CSMD1: variants seen among roughly 807,000 people sequenced by gnomAD.
CSMD1 encodes the protein CUB and sushi domain-containing protein 1.
In CSMD1, 213 loss-of-function variants were observed where a neutral mutation model predicts 417.5. That is an observed-to-expected ratio of 0.51 (90% confidence interval 0.46 to 0.57). The LOEUF (loss-of-function observed/expected upper bound fraction) is 0.57, where lower values mean the gene tolerates loss of function less well. CSMD1 is among the 20% of genes least tolerant of loss of function. The pLI is 0.00. For missense variants in CSMD1, 6,923 were observed against 4,529.7 expected (o/e 1.53, Z -15.17); for synonymous variants, 2,862 against 1,736.8 (o/e 1.65, Z -16.11).
chr8:4,020,890 G>A (rs147626463), intron 4 of CSMD1, among the ~76,000 whole-genome samples: 1 of 152,178 alleles, frequency 6.6e-6, no homozygotes, highest in Non-Finnish European at 1.5e-5. Flanking sequence ...GTCCTACTCA[G>A]CTCAAATATG....
intron 7 of CSMD1, among the ~76,000 whole-genome samples, chr8:3,636,557 T>C (rs1207903642): frequency 6.6e-6 from 1 of 152,202 alleles, no homozygotes; most frequent in Non-Finnish European, 1.5e-5. Context: ...CTGAGGAATG[T>C]ACATGTAACT....
rs2720788 is a variant in CSMD1, at chr8:3,758,660, T to G, written c.819-4618A>C. Reference sequence around the variant, plus strand: ...ACTCTCTAACAACTTGGTGTTTCAGTTGAGATTTAGAAGAAAAGAATTCAA... The same window carrying G: ...ACTCTCTAACAACTTGGTGTTTCAGGTGAGATTTAGAAGAAAAGAATTCAA... On this transcript the variant is annotated intron_variant, in intron 5 of 69. Coordinates refer to ENST00000635120, the MANE Select transcript of CSMD1 (RefSeq NM_033225.6). Among the ~76,000 whole-genome samples the G allele has an allele frequency of 9.0e-3, 1,373 of 152,210 alleles. 77 individuals carry two copies. The East Asian group carries it at 0.16, about 18-fold the overall frequency.
chr8:4,586,160 A>AAAC (rs1329236145), intron 2 of CSMD1, among the ~76,000 whole-genome samples: 2 of 152,184 alleles, frequency 1.3e-5, no homozygotes, highest in Non-Finnish European at 2.9e-5. Flanking sequence ...TTGTGTTTAA[A>AAAC]AACATGCCAA....
chr8:3,137,384 C>T (rs1818164089), intron 41 of CSMD1, among the ~76,000 whole-genome samples: 1 of 152,228 alleles, frequency 6.6e-6, no homozygotes, highest in Admixed American at 6.5e-5. Context: ...AGTCCCTTAG[C>T]ATCAGGGGGA....
In CSMD1 at chr8:3,271,317, C is replaced by A. The variant is rs561226707; in HGVS notation, c.4153+12827G>T. On this transcript the variant is annotated intron_variant, in intron 26 of 69. Transcript: ENST00000635120. Reference sequence around the variant, plus strand: ...TGTATATGTGCCACATTTTCTTAATCCAGTCTATCATTGTTGGACATTTGG... The same window carrying A: ...TGTATATGTGCCACATTTTCTTAATACAGTCTATCATTGTTGGACATTTGG... Among the ~76,000 whole-genome samples, 42 of 152,018 alleles carry A rather than the reference C, an allele frequency of 2.8e-4. No individual in the cohort carries two copies. In the South Asian group the frequency reaches 8.8e-3, roughly 32 times the overall value.
chr8:2,978,523 A>G (rs1275768068), intron 55 of CSMD1, 89 bp downstream of exon 55: 10 of 1,009,322 alleles, frequency 9.9e-6, no homozygotes, highest in Non-Finnish European at 1.4e-5. Flanking sequence ...ATTAAAATTC[A>G]GTGCCTTTTA....
rs149482958 is a variant in CSMD1 at position 4,412,980 on chromosome 8, A to T, written c.415+6973T>A. On this transcript the variant is annotated intron_variant, in intron 3 of 69. Coordinates refer to ENST00000635120, the MANE Select transcript of CSMD1 (RefSeq NM_033225.6). ...TCATCAATGGACAGAAGCCATCTTT[A>T]TCTTTTCAGTAGTTATGAGATTTTT... Among the ~76,000 whole-genome samples the T allele has an allele frequency of 2.2e-3, 331 of 152,336 alleles. 2 individuals are homozygous for T. The highest frequency in any genetic ancestry group is 7.8e-3 in the African/African-American group (324 of 41,582).
intron 26 of CSMD1, among the ~76,000 whole-genome samples, chr8:3,250,638 T>C (rs1486771445): frequency 6.6e-6 from 1 of 152,232 alleles, no homozygotes; most frequent in South Asian, 2.1e-4. Flanking sequence ...CGCCACACTG[T>C]CTTCCACAAT....
chr8:4,769,212 A>G (rs1391449396), intron 1 of CSMD1, among the ~76,000 whole-genome samples: 2 of 152,174 alleles, frequency 1.3e-5, no homozygotes, highest in African/African-American at 2.4e-5. Flanking sequence ...GGCTTTATAG[A>G]TAAGATGAAA....
chr8:4,297,065 G>A (rs988256255), intron 3 of CSMD1, among the ~76,000 whole-genome samples: 8 of 132,536 alleles, frequency 6.0e-5, no homozygotes, highest in Non-Finnish European at 6.4e-5. Context: ...GGTCGGATGG[G>A]TTAGATAGGT....
At chr8:4,993,257 C>T (rs1035329322) in intron 1 of CSMD1, among the ~76,000 whole-genome samples, 2 of 151,916 alleles carry the variant, frequency 1.3e-5, no homozygotes, top group East Asian at 1.9e-4. Flanking sequence ...AAAGAAAAAC[C>T]CTTTGTAGAT....
Position 3,462,824 on chromosome 8 carries a change from C to G in CSMD1, c.1561+5888G>C, listed in dbSNP as rs567561582. 3.3e-5 allele frequency among the ~76,000 whole-genome samples: 5 copies of G among 152,274 alleles called. No homozygotes were observed. In the East Asian group the frequency reaches 9.7e-4, roughly 29 times the overall value. On this transcript the variant is annotated intron_variant, in intron 12 of 69. Transcript: ENST00000635120. ...TATCTAAGAACCTGATGTGGTCTGA[C>G]TGTTTGTGTCCCTCCAAATTCCTAA...
At chr8:3,981,345 G>A (rs928335580) in intron 5 of CSMD1, among the ~76,000 whole-genome samples, 2 of 152,112 alleles carry the variant, frequency 1.3e-5, no homozygotes, top group African/African-American at 4.8e-5. Flanking sequence ...GACTTCAGGG[G>A]AAGAGTGGAA....
rs186252550 is a variant in CSMD1, at chr8:3,707,375, A to T, written c.1009+1039T>A. Among the ~76,000 whole-genome samples the T allele has an allele frequency of 1.2e-3, 178 of 152,338 alleles. 1 individual carries two copies. Among genetic ancestry groups the T allele is most frequent in the African/African-American group, 4.1e-3 (172 of 41,574 alleles). Reference sequence around the variant, plus strand: ...CTAATTGCTAGGCAACGGAAAAACAATATGCACAGATGCAAAACACCGGGG... The same window carrying T: ...CTAATTGCTAGGCAACGGAAAAACATTATGCACAGATGCAAAACACCGGGG... On this transcript the variant is annotated intron_variant, in intron 7 of 69. Coordinates refer to ENST00000635120, the MANE Select transcript of CSMD1 (RefSeq NM_033225.6).
Position 4,563,482 on chromosome 8 carries a change from C to G in CSMD1, c.302+73860G>C, listed in dbSNP as rs568848667. On this transcript the variant is annotated intron_variant, in intron 2 of 69. Transcript: ENST00000635120. ...CAACAATGCCAAGGCACAGGCTCTC[C>G]CGTTCAGTATTCCTGTGCCGGCTAT... is the stretch of plus-strand genomic sequence containing the variant. Among the ~76,000 whole-genome samples the G allele has an allele frequency of 2.6e-5, 4 of 152,240 alleles. No homozygotes were observed. The East Asian group carries it at 7.7e-4, about 29-fold the overall frequency.
At chr8:4,449,350 C>G (rs1480210588) in intron 2 of CSMD1, among the ~76,000 whole-genome samples, 3 of 152,158 alleles carry the variant, frequency 2.0e-5, no homozygotes, top group African/African-American at 7.2e-5. Flanking sequence ...AAGCCTCCCC[C>G]TCTCTTTTTT....
chr8:3,214,589 G>C lies in CSMD1; in HGVS notation c.4775C>G (p.Ser1592Cys), dbSNP rs1364361919. 3 of 1,573,870 alleles carry C rather than the reference G, an allele frequency of 1.9e-6. No individual in the cohort carries two copies. Among genetic ancestry groups the C allele is most frequent in the Non-Finnish European group, 1.7e-6 (2 of 1,158,752 alleles). ...LGSTITYQCD[S>C]GYKILDPSSI... is the part of the protein sequence containing the mutation. The stretch of plus-strand genomic sequence containing the variant: ...TGAGGGGTCAAGAATCTTATAGCCA[G>C]AGTCACACTGGTAGGTGATGGTGGA... The change falls in exon 30 of 70, where the codon TCT becomes TGT. Residue 1592 changes from serine (S) to cysteine (C), a missense_variant. By Grantham distance (112) the Ser-to-Cys change is moderately radical (BLOSUM62 -1). Transcript: ENST00000635120.
rs374026474 is a variant in CSMD1, at chr8:3,759,513, A to C, written c.819-5471T>G. ...TGCTGGATTTGGTTTTCTAATAAAC[A>C]AATAGTTTGGAAAATGAAAGAGATT... On this transcript the variant is annotated intron_variant, in intron 5 of 69. Coordinates refer to ENST00000635120, the MANE Select transcript of CSMD1 (RefSeq NM_033225.6). Among the ~76,000 whole-genome samples the C allele has an allele frequency of 8.5e-5, 13 of 152,270 alleles. No homozygotes were observed. In the South Asian group the frequency reaches 2.7e-3, roughly 32 times the overall value.
intron 7 of CSMD1, among the ~76,000 whole-genome samples, chr8:3,641,024 C>CTTTT (rs34851559): frequency 1.2e-3 from 122 of 102,698 alleles, no homozygotes; most frequent in Non-Finnish European, 1.6e-3. Context: ...TCCTTTTTTC[C>CTTTT]TTTTTTTTTT....
Sources: gnomAD v4.1 joint callset for allele counts (sites outside exome capture counted in the v4.1 genomes callset) on GRCh38, gnomAD v4.1.1 for gene constraint, MANE v1.5 for transcripts, NCBI Gene and HGNC (gene_info 2026-07-23, HGNC 2026-07-21) for gene names.